The following IMMP2L variants were observed in gnomAD, a reference collection of about 807,000 sequenced individuals.
The protein encoded by IMMP2L is inner mitochondrial membrane peptidase subunit 2.
In IMMP2L, 18 loss-of-function variants were observed where a neutral mutation model predicts 19.3. The observed-to-expected ratio is 0.93, with a 90% confidence interval of 0.64 to 1.38. The LOEUF is 1.38. Among genes scored for constraint, IMMP2L ranks in the 40% most tolerant of loss-of-function variants. The probability of loss-of-function intolerance (pLI) is 0.00; values close to 1 mark genes in which losing one functional copy is unlikely to be tolerated. For missense variants in IMMP2L, 233 were observed against 218.2 expected (o/e 1.07, Z -0.43); for synonymous variants, 76 against 73.0 (o/e 1.04, Z -0.21).
At position 111,185,329 on chromosome 7, in the gene IMMP2L, T is replaced by G. The variant is rs149443613; in HGVS notation, c.240-221764A>C. 7.3e-3 allele frequency among the ~76,000 whole-genome samples: 1,113 copies of G among 152,302 alleles called. 21 individuals are homozygous for G. Among genetic ancestry groups the G allele is most frequent in the African/African-American group, 0.024 (988 of 41,546 alleles). On this transcript the variant is annotated intron_variant, in intron 3 of 5. Transcript: ENST00000405709. Reference sequence around the variant, plus strand: ...CTGTGTGTGTTAATGAGACCCTCCATGGACACCATTAATACATAAAAGCAA... The same window carrying G: ...CTGTGTGTGTTAATGAGACCCTCCAGGGACACCATTAATACATAAAAGCAA...
intron 5 of IMMP2L, among the ~76,000 whole-genome samples, chr7:110,847,850 T>C (rs557383165): frequency 6.6e-6 from 1 of 152,230 alleles, no homozygotes; most frequent in South Asian, 2.1e-4. Flanking sequence ...CAGGACATCC[T>C]TTTGCAAAAT....
chr7:111,119,417 A>G (rs1800308571), intron 3 of IMMP2L, among the ~76,000 whole-genome samples: 2 of 152,200 alleles, frequency 1.3e-5, no homozygotes, highest in South Asian at 4.1e-4. Flanking sequence ...CCCTCTAGCT[A>G]TTAACCCAGT....
intron 2 of IMMP2L, among the ~76,000 whole-genome samples, chr7:111,491,023 A>G (rs933798757): frequency 6.6e-6 from 1 of 152,046 alleles, no homozygotes; most frequent in Non-Finnish European, 1.5e-5. Context: ...CCCCTGAGAC[A>G]GTAAGACTAA....
intron 1 of IMMP2L, among the ~76,000 whole-genome samples, chr7:111,546,277 C>CAT (rs1292913526): frequency 2.6e-5 from 4 of 151,992 alleles, no homozygotes; most frequent in African/African-American, 9.7e-5. Flanking sequence ...TGCACAAATC[C>CAT]ATACTCCCAT....
intron 3 of IMMP2L, among the ~76,000 whole-genome samples, chr7:111,388,232 G>T (rs1831983062): frequency 6.6e-6 from 1 of 151,964 alleles, no homozygotes; most frequent in Non-Finnish European, 1.5e-5. Flanking sequence ...CAACCAGTTG[G>T]CTGGGGATAG....
intron 3 of IMMP2L, among the ~76,000 whole-genome samples, chr7:111,169,159 T>C (rs1806158313): frequency 6.6e-6 from 1 of 151,902 alleles, no homozygotes; most frequent in Non-Finnish European, 1.5e-5. Flanking sequence ...GTTAAAGATT[T>C]ATAGGAGCAT....
intron 3 of IMMP2L, among the ~76,000 whole-genome samples, chr7:111,360,792 TG>T (rs1829189160): frequency 6.6e-6 from 1 of 152,120 alleles, no homozygotes. Context: ...CACTATAGCC[TG>T]GGCGACAGAG....
Position 111,319,415 on chromosome 7 carries a change from C to T in IMMP2L, c.239+167823G>A, listed in dbSNP as rs144322616. ...TATAATATAATGTTATTTCCAAAAC[C>T]GTAAAAAAAATTCATAGTTTAGCAG... On this transcript the variant is annotated intron_variant, in intron 3 of 5. Coordinates refer to ENST00000405709, the MANE Select transcript of IMMP2L (RefSeq NM_032549.4). Among the ~76,000 whole-genome samples the T allele has an allele frequency of 3.8e-3, 578 of 151,966 alleles. 4 individuals are homozygous for T. Among genetic ancestry groups the T allele is most frequent in the Middle Eastern group, 0.01 (3 of 292 alleles).
chr7:110,921,061 C>T (rs182287995), intron 4 of IMMP2L, among the ~76,000 whole-genome samples: 42 of 152,236 alleles, frequency 2.8e-4, no homozygotes, highest in African/African-American at 9.4e-4. Flanking sequence ...AGAATTAGAA[C>T]TGCCAGCTTC....
rs542448347 is a variant in IMMP2L, at chr7:111,207,189, A to G, written c.240-243624T>C. Among the ~76,000 whole-genome samples, 9 of 152,276 alleles carry G rather than the reference A, an allele frequency of 5.9e-5. No individual in the cohort carries two copies. In the South Asian group the frequency reaches 8.3e-4, roughly 14 times the overall value. On this transcript the variant is annotated intron_variant, in intron 3 of 5. Transcript: ENST00000405709. The stretch of plus-strand genomic sequence containing the variant: ...TCATTATCAATAGAATATACCTTGG[A>G]AAGGATACAGAGTGATAGCCAAGCA...
At chr7:111,475,207 T>C (rs1050444146) in intron 3 of IMMP2L, among the ~76,000 whole-genome samples, 2 of 152,108 alleles carry the variant, frequency 1.3e-5, no homozygotes, top group African/African-American at 4.8e-5. Context: ...GGAATAACCT[T>C]TCATGGGCCC....
intron 3 of IMMP2L, among the ~76,000 whole-genome samples, chr7:111,211,586 G>A (rs1355484111): frequency 6.6e-6 from 1 of 152,144 alleles, no homozygotes; most frequent in Non-Finnish European, 1.5e-5. Flanking sequence ...GATAAATGTA[G>A]TATACTTGTA....
intron 3 of IMMP2L, among the ~76,000 whole-genome samples, chr7:111,263,120 C>T (rs758204895): frequency 4.6e-5 from 7 of 151,804 alleles, no homozygotes; most frequent in Non-Finnish European, 7.4e-5. Flanking sequence ...CTGAGAGAGG[C>T]GGGAAAATAT....
chr7:110,843,996 C>T (rs1323705320), intron 5 of IMMP2L, among the ~76,000 whole-genome samples: 1 of 152,108 alleles, frequency 6.6e-6, no homozygotes, highest in East Asian at 1.9e-4. Flanking sequence ...CGTGCTAAGA[C>T]TTAGGATCTA....
At chr7:111,029,336 C>A (rs1305238991) in intron 3 of IMMP2L, among the ~76,000 whole-genome samples, 1 of 152,138 alleles carries the variant, frequency 6.6e-6, no homozygotes, top group Non-Finnish European at 1.5e-5. Context: ...TATCTTCACA[C>A]TTTTCAAAGT....
At position 110,817,481 on chromosome 7, in the gene IMMP2L, G is replaced by A. The variant is rs183313540; in HGVS notation, c.408+69112C>T. 1.4e-3 allele frequency among the ~76,000 whole-genome samples: 216 copies of A among 152,154 alleles called. No individual in the cohort carries two copies. The Middle Eastern group carries it at 0.017, about 12-fold the overall frequency. On this transcript the variant is annotated intron_variant, in intron 5 of 5. Transcript: ENST00000405709. Reference sequence around the variant, plus strand: ...TAAAAGAGGATACAAACACATGGAAGAACATTCCATGCTCACGGGTAGGAA... The same window carrying A: ...TAAAAGAGGATACAAACACATGGAAAAACATTCCATGCTCACGGGTAGGAA...
intron 3 of IMMP2L, among the ~76,000 whole-genome samples, chr7:111,460,849 TACACCC>T (rs1743863090): frequency 6.6e-6 from 1 of 151,970 alleles, no homozygotes; most frequent in Admixed American, 6.6e-5. Context: ...AAGGAAAAAA[TACACCC>T]ACAAAACTGT....
chr7:111,447,771 TAA>T (rs1838658941), intron 3 of IMMP2L, among the ~76,000 whole-genome samples: 1 of 151,606 alleles, frequency 6.6e-6, no homozygotes, highest in African/African-American at 2.4e-5. Flanking sequence ...GCAAGTTGGA[TAA>T]AGAGTCAAGA....
At position 110,804,552 on chromosome 7, in the gene IMMP2L, T is replaced by G. The variant is rs116183435; in HGVS notation, c.408+82041A>C. ...ACTACTAGCTGTCCCCTCAATGCATTCTCCTAGTCTTGCTGGGCACACAGC... is the reference window on the plus strand; with the variant it reads ...ACTACTAGCTGTCCCCTCAATGCATGCTCCTAGTCTTGCTGGGCACACAGC... On this transcript the variant is annotated intron_variant, in intron 5 of 5. Transcript: ENST00000405709. Among the ~76,000 whole-genome samples the G allele has an allele frequency of 6.6e-3, 1,001 of 152,106 alleles. 7 individuals carry two copies. Among genetic ancestry groups the G allele is most frequent in the African/African-American group, 0.023 (937 of 41,510 alleles).
Sources: gnomAD v4.1 joint callset for allele counts (sites outside exome capture counted in the v4.1 genomes callset) on GRCh38, gnomAD v4.1.1 for gene constraint, MANE v1.5 for transcripts, NCBI Gene and HGNC (gene_info 2026-07-23, HGNC 2026-07-21) for gene names.